The following PDE7A variants were observed in gnomAD, a reference collection of about 807,000 sequenced individuals.
The protein encoded by PDE7A is high affinity 3',5'-cyclic-AMP phosphodiesterase 7A.
In PDE7A, 39 loss-of-function variants were observed where a neutral mutation model predicts 64.3. That is an observed-to-expected ratio of 0.61 (90% CI 0.47 to 0.79). PDE7A has a LOEUF of 0.79. PDE7A is among the 30% of genes least tolerant of loss of function. The pLI, the probability that PDE7A is intolerant of heterozygous loss-of-function variation, is 0.00. For synonymous variants in PDE7A, 203 were observed against 206.8 expected (o/e 0.98, Z 0.16); for missense variants, 470 against 582.8 (o/e 0.81, Z 1.99).
At chr8:65,795,989 A>G (rs1323008711) in intron 1 of PDE7A, among the ~76,000 whole-genome samples, 1 of 152,090 alleles carries the variant, frequency 6.6e-6, no homozygotes, top group Non-Finnish European at 1.5e-5. Flanking sequence ...TATAGCTGAA[A>G]AATACAGTAT....
chr8:65,771,884 C>CA (rs36101490), intron 3 of PDE7A, among the ~76,000 whole-genome samples: 11,216 of 55,358 alleles, frequency 0.2, 1,431 homozygotes, highest in African/African-American at 0.27. Context: ...CTCCATCTCT[C>CA]AAAAAAAAAA....
chr8:65,780,421 G>A (rs1809381655), intron 2 of PDE7A, among the ~76,000 whole-genome samples: 1 of 152,148 alleles, frequency 6.6e-6, no homozygotes, highest in African/African-American at 2.4e-5. Flanking sequence ...GTACATCCAA[G>A]GCCTTTAGCT....
chr8:65,719,090 A>G lies in PDE7A; in HGVS notation c.*200T>C, dbSNP rs1806266485. 2 of 581,984 alleles carry G rather than the reference A, an allele frequency of 3.4e-6. No individual in the cohort carries two copies. Among genetic ancestry groups the G allele is most frequent in the Non-Finnish European group, 6.1e-6 (2 of 325,896 alleles). The allele number at this position is 581,984 out of a possible 1,614,324, so 36.1% of individuals were successfully genotyped here. On this transcript the variant is annotated 3_prime_UTR_variant, in exon 13 of 13. Coordinates refer to ENST00000401827, the MANE Select transcript of PDE7A (RefSeq NM_001242318.3). ...AAGGTTTCACATGAAAGCCAAATTC[A>G]TATTGCTGTATGTTCGGGTCTTGCA...
intron 1 of PDE7A, among the ~76,000 whole-genome samples, chr8:65,825,513 C>G (rs1217290424): frequency 6.6e-6 from 1 of 152,148 alleles, no homozygotes; most frequent in Non-Finnish European, 1.5e-5. Flanking sequence ...GGGCACCTTA[C>G]TTTTCTAAAC....
intron 3 of PDE7A, among the ~76,000 whole-genome samples, chr8:65,752,166 C>T (rs1807999920): frequency 6.6e-6 from 1 of 152,158 alleles, no homozygotes; most frequent in Admixed American, 6.5e-5. Flanking sequence ...TCTTCTTTCC[C>T]CTTTCCTCTT....
At chr8:65,835,044 T>TAA (rs143834233) in intron 1 of PDE7A, among the ~76,000 whole-genome samples, 2 of 152,120 alleles carry the variant, frequency 1.3e-5, no homozygotes, top group African/African-American at 4.8e-5. Flanking sequence ...GGCAACAATA[T>TAA]AAAAAAATCA....
intron 1 of PDE7A, 97 bp downstream of exon 1, chr8:65,841,272 CAA>C: frequency 7.8e-7 from 1 of 1,286,490 alleles, no homozygotes; most frequent in East Asian, 2.9e-5. Context: ...AGACAATGGA[CAA>C]TGCGCGGGCT....
intron 1 of PDE7A, among the ~76,000 whole-genome samples, chr8:65,794,884 A>G (rs1228226055): frequency 6.6e-6 from 1 of 152,240 alleles, no homozygotes. Context: ...AAGTATGACA[A>G]TTAACCCAGG....
chr8:65,766,600 C>T (rs946897262), intron 3 of PDE7A, among the ~76,000 whole-genome samples: 4 of 152,200 alleles, frequency 2.6e-5, no homozygotes, highest in Non-Finnish European at 5.9e-5. Flanking sequence ...ATGGTCAGCC[C>T]AGCATTGACG....
At chr8:65,816,312 G>C (rs933316586) in intron 1 of PDE7A, among the ~76,000 whole-genome samples, 2 of 152,182 alleles carry the variant, frequency 1.3e-5, no homozygotes, top group Non-Finnish European at 2.9e-5. Flanking sequence ...TTACAACTAG[G>C]ACGAATGTGC....
At chr8:65,836,134 G>C (rs981916041) in intron 1 of PDE7A, among the ~76,000 whole-genome samples, 1 of 152,118 alleles carries the variant, frequency 6.6e-6, no homozygotes, top group Non-Finnish European at 1.5e-5. Context: ...ACTTCCCTTG[G>C]GGTATCCCAC....
At chr8:65,737,513 T>C (rs925437112) in intron 6 of PDE7A, among the ~76,000 whole-genome samples, 3 of 152,154 alleles carry the variant, frequency 2.0e-5, no homozygotes, top group Admixed American at 6.5e-5. Context: ...TAATTATTAT[T>C]ATTATTTTTG....
intron 5 of PDE7A, among the ~76,000 whole-genome samples, chr8:65,741,350 C>T (rs1807426078): frequency 6.6e-6 from 1 of 151,972 alleles, no homozygotes; most frequent in South Asian, 2.1e-4. Context: ...CATACTAGTC[C>T]CAAATTGAAA....
intron 3 of PDE7A, among the ~76,000 whole-genome samples, chr8:65,772,993 T>C (rs1436955098): frequency 6.6e-6 from 1 of 151,942 alleles, no homozygotes; most frequent in Non-Finnish European, 1.5e-5. Context: ...GGGCGACAGA[T>C]TGAGACTCTG....
At chr8:65,817,845 C>T (rs1476985853) in intron 1 of PDE7A, among the ~76,000 whole-genome samples, 1 of 151,612 alleles carries the variant, frequency 6.6e-6, no homozygotes, top group Non-Finnish European at 1.5e-5. Context: ...CTCCGCCTCC[C>T]GGGTTCACGC....
chr8:65,799,917 T>C (rs1809949678), intron 1 of PDE7A, among the ~76,000 whole-genome samples: 1 of 152,182 alleles, frequency 6.6e-6, no homozygotes, highest in African/African-American at 2.4e-5. Context: ...AGATAGCTGT[T>C]TTTTGAGACA....
At chr8:65,840,543 T>C (rs918883320) in intron 1 of PDE7A, among the ~76,000 whole-genome samples, 3 of 152,188 alleles carry the variant, frequency 2.0e-5, no homozygotes, top group Non-Finnish European at 4.4e-5. Flanking sequence ...AGCCATAACT[T>C]CTGGCAGCAG....
chr8:65,769,460 G>A (rs755399308), intron 3 of PDE7A, among the ~76,000 whole-genome samples: 6 of 152,268 alleles, frequency 3.9e-5, no homozygotes, highest in South Asian at 4.2e-4. Context: ...TTCTTGGCTA[G>A]AAGAATTCGT....
At chr8:65,768,078 C>T (rs1024152442) in intron 3 of PDE7A, among the ~76,000 whole-genome samples, 3 of 152,098 alleles carry the variant, frequency 2.0e-5, no homozygotes, top group African/African-American at 4.8e-5. Flanking sequence ...TGGTGTCCAC[C>T]GCTTGGTGTG....
Sources: allele counts gnomAD v4.1 joint callset (sites outside exome capture counted in the v4.1 genomes callset), GRCh38; gene constraint gnomAD v4.1.1; transcripts MANE v1.5; gene names NCBI Gene and HGNC (gene_info 2026-07-23, HGNC 2026-07-21).